GATA5: variants seen among roughly 807,000 people sequenced by gnomAD.
GATA5 encodes the protein GATA binding protein 5, also known as transcription factor GATA-5.
In GATA5, 27 loss-of-function variants were observed where a neutral mutation model predicts 35.0. The observed-to-expected ratio is 0.77, with a 90% CI of 0.57 to 1.06. The LOEUF is 1.06. Among genes scored for constraint, GATA5 ranks in the 50% least tolerant of loss-of-function variants. GATA5 has a pLI of 0.00. For synonymous variants in GATA5, 306 were observed against 267.8 expected (o/e 1.14, Z -1.39); for missense variants, 612 against 580.0 (o/e 1.06, Z -0.57).
intron 3 of GATA5, among the ~76,000 whole-genome samples, chr20:62,469,947 T>G (rs1201793428): frequency 3.3e-5 from 5 of 152,154 alleles, no homozygotes; most frequent in Non-Finnish European, 5.9e-5. Context: ...TGTGCCACCA[T>G]ACCGCGACGA....
chr20:62,464,931 C>T lies in GATA5; in HGVS notation c.1099G>A (p.Glu367Lys). ...GCCGTGGAGGGGAAGGCAAAGTCCT[C>T]AGGCTCGAACTTGAACTCCAAGTGG... ...PGHLEFKFEPEDFAFPSTAPS... is the reference protein window; with the variant it reads ...PGHLEFKFEPKDFAFPSTAPS... Residue 367 changes from glutamate to lysine, a missense_variant, in exon 7 of 7, where the codon GAG (glutamate) becomes AAG (lysine). Coordinates refer to ENST00000252997, the MANE Select transcript of GATA5 (RefSeq NM_080473.5). 1 of 1,611,524 alleles carries T rather than the reference C, an allele frequency of 6.2e-7. No homozygotes were observed. Among genetic ancestry groups the T allele is most frequent in the Non-Finnish European group, 8.5e-7 (1 of 1,179,334 alleles).
rs1989824880 is a variant in GATA5 at position 62,475,213 on chromosome 20, GCCGGGC to G, written c.303_308del (p.Pro102_Gly103del). 1 of 1,252,736 alleles carries G rather than the reference GCCGGGC, an allele frequency of 8.0e-7. No individual in the cohort carries two copies. Among genetic ancestry groups the G allele is most frequent in the Non-Finnish European group, 1.0e-6 (1 of 997,462 alleles). 77.6% of individuals were successfully genotyped at this position (1,252,736 alleles called of 1,614,324 possible). A position where few individuals can be genotyped will look rare whatever the true frequency, so the allele number is the denominator to read the frequency against. On this transcript the variant is annotated inframe_deletion, in exon 2 of 7. Coordinates refer to ENST00000252997, the MANE Select transcript of GATA5 (RefSeq NM_080473.5). ...CTCGGCCCCCCGCGCTGCCGCCGCT[GCCGGGC>G]CCCGAGGGGCTGTGCGCGAAAGGGA...
In GATA5 at chr20:62,475,526, C is replaced by T; in HGVS notation, c.-5G>A. On this transcript the variant is annotated 5_prime_UTR_variant, in exon 2 of 7. Coordinates refer to ENST00000252997, the MANE Select transcript of GATA5 (RefSeq NM_080473.5). Reference sequence around the variant, plus strand: ...CAGCGCCAGGCTCTGGTACATCCTCCCAGGCGTGGTCTTGACCTGCAGGGA... The same window carrying T: ...CAGCGCCAGGCTCTGGTACATCCTCTCAGGCGTGGTCTTGACCTGCAGGGA... The T allele has an allele frequency of 9.3e-6, 12 of 1,292,112 alleles. No homozygotes were observed. The highest frequency in any genetic ancestry group is 1.2e-5 in the Non-Finnish European group (12 of 1,021,312). 80.0% of individuals were successfully genotyped at this position (1,292,112 alleles called of 1,614,324 possible).
In GATA5 at chr20:62,473,577, C is replaced by T; in HGVS notation, c.525G>A (p.Val175=). The change falls in exon 3 of 7, where the codon GTG becomes GTA. Residue 175 remains valine (V), a splice_region_variant and synonymous_variant. Transcript: ENST00000252997. Reference sequence around the variant, plus strand: ...CCGGGAACTCCTCCAAGAAGTCGGACACTGAGGGGACAGGCAGCTGGTGGG... The same window carrying T: ...CCGGGAACTCCTCCAAGAAGTCGGATACTGAGGGGACAGGCAGCTGGTGGG... The part of the protein sequence containing the change: ...HGLPGRRPTF[V]SDFLEEFPGE... The T allele has an allele frequency of 6.3e-7, 1 of 1,587,428 alleles. No homozygotes were observed. Among genetic ancestry groups the T allele is most frequent in the Non-Finnish European group, 8.6e-7 (1 of 1,166,808 alleles).
rs113839474 is a variant in GATA5 at position 62,472,982 on chromosome 20, A to C, written c.699+421T>G. The stretch of plus-strand genomic sequence containing the variant: ...CAGCAGCCACCTTCCCTCAAGCCTC[A>C]TCCCAGGTAGGGTCACCTTGAGGCC... On this transcript the variant is annotated intron_variant, in intron 3 of 6. Transcript: ENST00000252997. Among the ~76,000 whole-genome samples the C allele has an allele frequency of 2.4e-3, 369 of 152,324 alleles. 1 individual carries two copies. The highest frequency in any genetic ancestry group is 8.4e-3 in the African/African-American group (350 of 41,574).
rs1555896958 is a variant in GATA5 at position 62,475,013 on chromosome 20, C to T, written c.509G>A (p.Arg170His). 1 of 1,356,448 alleles carries T rather than the reference C, an allele frequency of 7.4e-7. No individual in the cohort carries two copies. Among genetic ancestry groups the T allele is most frequent in the Non-Finnish European group, 9.5e-7 (1 of 1,050,126 alleles). 84.0% of individuals were successfully genotyped at this position (1,356,448 alleles called of 1,614,324 possible). Reference sequence around the variant, plus strand: ...CCCGCACTCACCGAAGGTGGGCCTGCGGCCTGGGAGGCCGTGCAGGACGCT... The same window carrying T: ...CCCGCACTCACCGAAGGTGGGCCTGTGGCCTGGGAGGCCGTGCAGGACGCT... ...DGSVLHGLPG[R>H]RPTFVSDFLE... Residue 170 changes from arginine (R) to histidine (H), a missense_variant, in exon 2 of 7, where the codon CGC becomes CAC. Coordinates refer to ENST00000252997, the MANE Select transcript of GATA5 (RefSeq NM_080473.5).
Position 62,465,254 on chromosome 20 carries a change from T to G in GATA5, c.1038+86A>C, listed in dbSNP as rs536769509. On this transcript the variant is annotated intron_variant, in intron 6 of 6. Transcript: ENST00000252997. ...GTCCAGCCCACCTGCTGGAAGAGGC[T>G]CCGAGGGGCTCTGATGGGATCTGAC... 7.5e-5 allele frequency: 104 copies of G among 1,388,002 alleles called. 1 individual carries two copies. In the South Asian group the frequency reaches 1.4e-3, roughly 19 times the overall value. 86.0% of individuals were successfully genotyped at this position (1,388,002 alleles called of 1,614,324 possible). A position where few individuals can be genotyped will look rare whatever the true frequency, so the allele number is the denominator to read the frequency against.
chr20:62,465,853 G>C lies in GATA5; in HGVS notation c.894C>G (p.Ala298=). Residue 298 remains alanine (A), a synonymous_variant, in exon 5 of 7, where the codon GCC becomes GCG. Coordinates refer to ENST00000252997, the MANE Select transcript of GATA5 (RefSeq NM_080473.5). Reference sequence around the variant, plus strand: ...ACGCACCTGAGGAGCCCCTGGCCTTGGCGATGGTCTTTGGCTTCCGCTTCC... The same window carrying C: ...ACGCACCTGAGGAGCCCCTGGCCTTCGCGATGGTCTTTGGCTTCCGCTTCC... ...QTRKRKPKTI[A]KARGSSGSTR... The C allele has an allele frequency of 1.3e-6, 2 of 1,592,984 alleles. No individual in the cohort carries two copies. The highest frequency in any genetic ancestry group is 1.7e-4 in the Middle Eastern group (1 of 6,032).
intron 2 of GATA5, among the ~76,000 whole-genome samples, chr20:62,474,303 C>A (rs1326114354): frequency 6.6e-6 from 1 of 152,198 alleles, no homozygotes; most frequent in Admixed American, 6.5e-5. Context: ...AGGGATCAAT[C>A]ATCGCCCCGC....
Position 62,465,257 on chromosome 20 carries a change from G to A in GATA5, c.1038+83C>T, listed in dbSNP as rs6421437. ...CAGCCCACCTGCTGGAAGAGGCTCCGAGGGGCTCTGATGGGATCTGACTTG... is the reference window on the plus strand; with the variant it reads ...CAGCCCACCTGCTGGAAGAGGCTCCAAGGGGCTCTGATGGGATCTGACTTG... On this transcript the variant is annotated intron_variant, in intron 6 of 6. Coordinates refer to ENST00000252997, the MANE Select transcript of GATA5 (RefSeq NM_080473.5). The A allele has an allele frequency of 1.1e-4, 158 of 1,413,608 alleles. 1 individual carries two copies. Among genetic ancestry groups the A allele is most frequent in the Non-Finnish European group, 1.4e-4 (146 of 1,060,286 alleles). The allele number at this position is 1,413,608 out of a possible 1,614,324, so 87.6% of individuals were successfully genotyped here. A position where few individuals can be genotyped will look rare whatever the true frequency, so the allele number is the denominator to read the frequency against.
chr20:62,463,533 T>C lies in GATA5; in HGVS notation c.*1303A>G. 6.6e-6 allele frequency: 1 copy of C among 152,128 alleles called. No homozygotes were observed. Among genetic ancestry groups the C allele is most frequent in the East Asian group, 1.9e-4 (1 of 5,186 alleles). 9.4% of individuals were successfully genotyped at this position (152,128 alleles called of 1,614,324 possible). On this transcript the variant is annotated 3_prime_UTR_variant, in exon 7 of 7. Coordinates refer to ENST00000252997, the MANE Select transcript of GATA5 (RefSeq NM_080473.5). Reference sequence around the variant, plus strand: ...GCTTTATTTCACTTTCCCTGTGGCTTCATTTGTCTCTTTTAGAAAAGATGA... The same window carrying C: ...GCTTTATTTCACTTTCCCTGTGGCTCCATTTGTCTCTTTTAGAAAAGATGA...
intron 3 of GATA5, among the ~76,000 whole-genome samples, chr20:62,467,350 C>T (rs73303284): frequency 0.035 from 5,394 of 152,278 alleles, 342 homozygotes; most frequent in African/African-American, 0.12. Context: ...GCCTTTCTCC[C>T]ACTGGCCGCA....
chr20:62,471,424 C>G (rs1419311800), intron 3 of GATA5, among the ~76,000 whole-genome samples: 1 of 78,068 alleles, frequency 1.3e-5, no homozygotes. Flanking sequence ...AAGTTAATTT[C>G]AATTACAATT....
At chr20:62,468,582 C>T (rs1989649938) in intron 3 of GATA5, among the ~76,000 whole-genome samples, 1 of 152,226 alleles carries the variant, frequency 6.6e-6, no homozygotes, top group Non-Finnish European at 1.5e-5. Context: ...CTCCTGTCTC[C>T]AGGCAGGACC....
In GATA5 at chr20:62,470,836, C is replaced by T. The variant is rs961371621; in HGVS notation, c.699+2567G>A. Among the ~76,000 whole-genome samples, 2 of 152,086 alleles carry T rather than the reference C, an allele frequency of 1.3e-5. No homozygotes were observed. The highest frequency in any genetic ancestry group is 4.8e-5 in the African/African-American group (2 of 41,408). ...GGGAGAGGGCACGGTGGTCCCTACC[C>T]TCCGAGGCCTCTGGTCTTGGCAAGA... On this transcript the variant is annotated intron_variant, in intron 3 of 6. Coordinates refer to ENST00000252997, the MANE Select transcript of GATA5 (RefSeq NM_080473.5). This position sits in a 1 kb window ranked among gnomAD's most constrained non-coding sequence, Gnocchi z 4.6.
chr20:62,465,858 T>C lies in GATA5; in HGVS notation c.889A>G (p.Ile297Val). 6.3e-7 allele frequency: 1 copy of C among 1,595,154 alleles called. No homozygotes were observed. Among genetic ancestry groups the C allele is most frequent in the Non-Finnish European group, 8.5e-7 (1 of 1,170,654 alleles). The change falls in exon 5 of 7, where the codon ATC (isoleucine) becomes GTC (valine). Residue 297 changes from isoleucine to valine, a missense_variant. Physicochemically the swap from Ile to Val is conservative, Grantham distance 29. Transcript: ENST00000252997. Reference protein sequence around the residue: ...IQTRKRKPKTIAKARGSSGST... With the variant: ...IQTRKRKPKTVAKARGSSGST... ...CCTGAGGAGCCCCTGGCCTTGGCGA[T>C]GGTCTTTGGCTTCCGCTTCCGTGTC...
chr20:62,463,717 TG>T lies in GATA5; in HGVS notation c.*1118del, dbSNP rs782110016. 1 of 151,362 alleles carries T rather than the reference TG, an allele frequency of 6.6e-6. No individual in the cohort carries two copies. Among genetic ancestry groups the T allele is most frequent in the Non-Finnish European group, 1.5e-5 (1 of 67,994 alleles). The allele number at this position is 151,362 out of a possible 1,614,324, so 9.4% of individuals were successfully genotyped here. On this transcript the variant is annotated 3_prime_UTR_variant, in exon 7 of 7. Transcript: ENST00000252997. Reference sequence around the variant, plus strand: ...TGTTAAAAATATTTTTGAATCAAATTGGAAGACTTAAAATCCAGGTTTCTGG... The same window carrying T: ...TGTTAAAAATATTTTTGAATCAAATTGAAGACTTAAAATCCAGGTTTCTGG...
intron 3 of GATA5, among the ~76,000 whole-genome samples, chr20:62,468,335 C>G (rs1431869934): frequency 6.6e-6 from 1 of 152,284 alleles, no homozygotes; most frequent in East Asian, 1.9e-4. Flanking sequence ...CTGTTACTGC[C>G]CTCTATGATC....
intron 3 of GATA5, among the ~76,000 whole-genome samples, chr20:62,467,413 A>G (rs1989618972): frequency 6.6e-6 from 1 of 152,216 alleles, no homozygotes; most frequent in African/African-American, 2.4e-5. Context: ...GCTCCAGCCC[A>G]GGGCCCCAGA....
Sources: allele counts gnomAD v4.1 joint callset (sites outside exome capture counted in the v4.1 genomes callset), GRCh38; gene constraint gnomAD v4.1.1; non-coding constraint Gnocchi (gnomAD v3.1); transcripts MANE v1.5; gene names NCBI Gene and HGNC (gene_info 2026-07-23, HGNC 2026-07-21).